The following PDE1A variants were observed in gnomAD, a reference collection of about 807,000 sequenced individuals.
The protein encoded by PDE1A is phosphodiesterase 1A, also known as dual specificity calcium/calmodulin-dependent 3',5'-cyclic nucleotide phosphodiesterase 1A.
A neutral mutation model predicts 61.7 loss-of-function variants in PDE1A; 35 were observed. The observed-to-expected ratio is 0.57, with a 90% CI of 0.43 to 0.75. PDE1A has a LOEUF of 0.75. Among genes scored for constraint, PDE1A ranks in the 30% least tolerant of loss-of-function variants. PDE1A has a pLI of 0.00. For missense variants in PDE1A, 597 were observed against 630.6 expected (o/e 0.95, Z 0.57); for synonymous variants, 232 against 213.2 (o/e 1.09, Z -0.77).
At chr2:182,383,754 T>C (rs1700868184) in intron 1 of PDE1A, among the ~76,000 whole-genome samples, 1 of 152,130 alleles carries the variant, frequency 6.6e-6, no homozygotes, top group Non-Finnish European at 1.5e-5. Context: ...AGAAAAGATA[T>C]AATACGGAGG....
At chr2:182,344,171 C>A (rs1438844319) in intron 1 of PDE1A, among the ~76,000 whole-genome samples, 1 of 151,860 alleles carries the variant, frequency 6.6e-6, no homozygotes, top group Non-Finnish European at 1.5e-5. Context: ...GAAGCCTGGC[C>A]TTTTAATCAA....
At chr2:182,165,158 C>T (rs534248991), downstream of PDE1A, among the ~76,000 whole-genome samples, 6 of 152,246 alleles carry the variant, frequency 3.9e-5, no homozygotes, top group South Asian at 1.2e-3. Flanking sequence ...AGCCAGGAGT[C>T]ATAGGTCCAG....
At chr2:182,466,322 T>A (rs1686657429) in intron 2 of PDE1A, among the ~76,000 whole-genome samples, 1 of 152,042 alleles carries the variant, frequency 6.6e-6, no homozygotes, top group Non-Finnish European at 1.5e-5. Flanking sequence ...CTCATCAGAC[T>A]AAAATCAAAC....
At chr2:182,607,057 A>G in the PDE1A span, among the ~76,000 whole-genome samples, 2 of 152,178 alleles carry the variant, frequency 1.3e-5, no homozygotes, top group Non-Finnish European at 2.9e-5. Context: ...GGGGGAAAAA[A>G]AAAGACAGGA....
In PDE1A at chr2:182,150,447, GA is replaced by G. The variant is rs1262356099; in HGVS notation, c.1517-3296del. On this transcript the variant is annotated intron_variant, in intron 13 of 13. Transcript: ENST00000409365. ...CGTCACTTTTGAATTTCATCTTACTGAAAGGATTTGCAATGTCATATATATA... is the reference window on the plus strand; with the variant it reads ...CGTCACTTTTGAATTTCATCTTACTGAAGGATTTGCAATGTCATATATATA... 2.6e-5 allele frequency among the ~76,000 whole-genome samples: 4 copies of G among 152,234 alleles called. No individual in the cohort carries two copies. In the East Asian group the frequency reaches 7.7e-4, roughly 29 times the overall value.
chr2:182,712,319 A>G, the PDE1A span, among the ~76,000 whole-genome samples: 1 of 152,218 alleles, frequency 6.6e-6, no homozygotes, highest in Non-Finnish European at 1.5e-5. Context: ...TATTGGGACA[A>G]TTGGCAAGAC....
At chr2:182,526,179 TA>T (rs1455437682), upstream of PDE1A, among the ~76,000 whole-genome samples, 4 of 152,160 alleles carry the variant, frequency 2.6e-5, no homozygotes, top group African/African-American at 9.7e-5. Context: ...GAAAATATCT[TA>T]ATTTCTGAAC....
intron 2 of PDE1A, among the ~76,000 whole-genome samples, chr2:182,452,168 G>A (rs4572561): frequency 4.6e-5 from 7 of 151,816 alleles, no homozygotes; most frequent in Admixed American, 1.3e-4. Context: ...TCTTCTGTAC[G>A]TAAGAACTCA....
At chr2:182,636,250 G>T in the PDE1A span, among the ~76,000 whole-genome samples, 39 of 152,060 alleles carry the variant, frequency 2.6e-4, no homozygotes, top group African/African-American at 8.9e-4. Context: ...GATACATTGA[G>T]CCCGGCCTCA....
chr2:182,244,855 GT>G (rs1690833308), intron 2 of PDE1A, among the ~76,000 whole-genome samples: 1 of 152,222 alleles, frequency 6.6e-6, no homozygotes, highest in Non-Finnish European at 1.5e-5. Context: ...CTGGGTATGA[GT>G]TCAGTTGTAT....
the PDE1A span, among the ~76,000 whole-genome samples, chr2:182,648,845 C>T: frequency 6.6e-6 from 1 of 152,280 alleles, no homozygotes; most frequent in East Asian, 1.9e-4. Context: ...TTTTTATCAT[C>T]TATACAAAAG....
chr2:182,410,128 G>C (rs192273939), intron 1 of PDE1A, among the ~76,000 whole-genome samples: 192 of 152,260 alleles, frequency 1.3e-3, no homozygotes, highest in African/African-American at 4.4e-3. Context: ...AAGGCGAGAG[G>C]ATCACTTAAG....
chr2:182,261,219 A>C (rs1006561066), intron 2 of PDE1A, among the ~76,000 whole-genome samples: 1 of 152,206 alleles, frequency 6.6e-6, no homozygotes, highest in Non-Finnish European at 1.5e-5. Context: ...GGTATAGAGG[A>C]AGGAGTACTA....
intron 1 of PDE1A, among the ~76,000 whole-genome samples, chr2:182,295,086 G>C (rs370707803): frequency 4.6e-4 from 1 of 2,190 alleles, no homozygotes; most frequent in Non-Finnish European, 3.2e-3. Context: ...TTTTTTTTTT[G>C]AGATGGAGTC....
At chr2:182,640,371 A>G in the PDE1A span, among the ~76,000 whole-genome samples, 2 of 152,232 alleles carry the variant, frequency 1.3e-5, no homozygotes, top group South Asian at 2.1e-4. Context: ...TAAATATTAC[A>G]TGCTCTGAAG....
chr2:182,242,013 T>C, intron 2 of PDE1A: 3 of 1,413,430 alleles, frequency 2.1e-6, no homozygotes, highest in East Asian at 5.2e-5. Context: ...CTATCTCTTA[T>C]GCAGTGATCA....
At chr2:182,152,412 C>CTTTTTT (rs559392112) in intron 13 of PDE1A, among the ~76,000 whole-genome samples, 35 of 75,274 alleles carry the variant, frequency 4.6e-4, no homozygotes, top group Admixed American at 7.4e-4. Flanking sequence ...TTTTTTTCCT[C>CTTTTTT]TTTTTTTTTT....
At chr2:182,589,257 A>AAGGGAGGG in the PDE1A span, among the ~76,000 whole-genome samples, 14 of 122,876 alleles carry the variant, frequency 1.1e-4, no homozygotes, top group South Asian at 3.3e-4. Context: ...GAAAAGAAGG[A>AAGGGAGGG]AGGGAGGGAG....
At chr2:182,426,543 A>G (rs780368984) in intron 1 of PDE1A, 35 bp downstream of exon 1, 3 of 1,390,074 alleles carry the variant, frequency 2.2e-6, no homozygotes, top group African/African-American at 2.8e-5. Context: ...TGTTCCTGAC[A>G]GCCCTAGAGC....
Sources: allele counts gnomAD v4.1 joint callset (sites outside exome capture counted in the v4.1 genomes callset), GRCh38; gene constraint gnomAD v4.1.1; transcripts MANE v1.5; gene names NCBI Gene and HGNC (gene_info 2026-07-23, HGNC 2026-07-21).